Variants in PPL observed in about 807,000 individuals in gnomAD.
The protein encoded by PPL is periplakin, also known as 190 kDa paraneoplastic pemphigus antigen.
Under a neutral mutation model 194.4 loss-of-function variants are expected in PPL, and 198 were observed. That is an observed-to-expected ratio of 1.02 (90% CI 0.91 to 1.15). The LOEUF (loss-of-function observed/expected upper bound fraction) is 1.15, where lower values mean the gene tolerates loss of function less well. Ranked by LOEUF, PPL falls within the 50% of genes most tolerant of loss-of-function variation. PPL has a pLI of 0.00. For synonymous variants in PPL, 1,220 were observed against 972.4 expected (o/e 1.25, Z -4.74); for missense variants, 2,885 against 2,294.8 (o/e 1.26, Z -5.25).
Position 4,895,256 on chromosome 16 carries a change from C to G in PPL, c.1242+5G>C, listed in dbSNP as rs1472921313. The G allele has an allele frequency of 6.3e-7, 1 of 1,597,264 alleles. No homozygotes were observed. The highest frequency in any genetic ancestry group is 8.5e-7 in the Non-Finnish European group (1 of 1,171,260). ...GATGTGAACAGAGGAGCTGGCCCCA[C>G]GCACCTGCTCCCCCTCAAAGTCACA... On this transcript the variant is annotated splice_donor_5th_base_variant and intron_variant, in intron 11 of 21. Coordinates refer to ENST00000345988, the MANE Select transcript of PPL (RefSeq NM_002705.5).
intron 1 of PPL, among the ~76,000 whole-genome samples, chr16:4,927,237 G>A (rs533455794): frequency 5.9e-5 from 9 of 152,200 alleles, no homozygotes; most frequent in Non-Finnish European, 1.2e-4. Context: ...CAGGAAGGTT[G>A]AGAATAAAGA....
chr16:4,918,292 C>CA (rs145927654), intron 1 of PPL, among the ~76,000 whole-genome samples: 107,843 of 138,418 alleles, frequency 0.78, 45,097 homozygotes, highest in East Asian at 0.99. Context: ...GACTCCATTT[C>CA]AAAAAAAAAA....
At chr16:4,912,797 C>G (rs1177747167) in intron 1 of PPL, among the ~76,000 whole-genome samples, 1 of 152,162 alleles carries the variant, frequency 6.6e-6, no homozygotes, top group Non-Finnish European at 1.5e-5. Flanking sequence ...TCCTGATCTT[C>G]TCAGAGCGCC....
rs2088187532 is a variant in PPL, at chr16:4,885,022, G to A, written c.3633C>T (p.Ser1211=). 1 of 1,613,580 alleles carries A rather than the reference G, an allele frequency of 6.2e-7. No homozygotes were observed. The highest frequency in any genetic ancestry group is 1.3e-5 in the African/African-American group (1 of 74,858). Residue 1211 remains serine (S), a synonymous_variant, in exon 22 of 22, where the codon AGC becomes AGT. Transcript: ENST00000345988. The surrounding 1 kb of genome is among the most constrained non-coding windows in gnomAD (Gnocchi z 6.3). ...KYRGAEEQLR[S]YQSELEALRR... ...TGAGGGCCTCCAGCTCACTCTGGTA[G>A]CTCCGGAGCTGCTCCTCGGCACCCC... is the stretch of plus-strand genomic sequence containing the variant.
chr16:4,890,625 AGAAAAACAG>A, intron 17 of PPL, 94 bp downstream of exon 17: 1 of 1,392,648 alleles, frequency 7.2e-7, no homozygotes, highest in Non-Finnish European at 9.6e-7. Flanking sequence ...CTCACCAAAA[AGAAAAACAG>A]CAAAATCTGT....
chr16:4,912,970 G>A (rs1390696921), intron 1 of PPL, among the ~76,000 whole-genome samples: 1 of 152,134 alleles, frequency 6.6e-6, no homozygotes, highest in African/African-American at 2.4e-5. Flanking sequence ...TAGGTGTGGT[G>A]GCATGCGCCT....
chr16:4,885,912 T>C lies in PPL; in HGVS notation c.2743A>G (p.Ser915Gly). ...AAGGTCCAGATTTCTTCCTGGGTGC[T>C]CTTGACCTCGTTCTCCAGCTGCCGC... ...RRRQLENEVK[S>G]TQEEIWTLRN... The change falls in exon 22 of 22, where the codon AGC (serine) becomes GGC (glycine). Residue 915 changes from serine (S) to glycine (G), a missense_variant. Ser to Gly is a moderately conservative substitution (Grantham distance 56, BLOSUM62 0). Transcript: ENST00000345988. The surrounding 1 kb of genome is among the most constrained non-coding windows in gnomAD (Gnocchi z 6.3). The C allele has an allele frequency of 1.2e-6, 2 of 1,611,712 alleles. No individual in the cohort carries two copies. The highest frequency in any genetic ancestry group is 1.7e-6 in the Non-Finnish European group (2 of 1,180,020).
chr16:4,918,254 C>T (rs561481758), intron 1 of PPL, among the ~76,000 whole-genome samples: 3 of 150,358 alleles, frequency 2.0e-5, no homozygotes, highest in East Asian at 3.9e-4. Context: ...GATTGCACCA[C>T]TACACTCCAG....
At chr16:4,909,321 G>GT (rs2088770895) in intron 2 of PPL, among the ~76,000 whole-genome samples, 2 of 152,104 alleles carry the variant, frequency 1.3e-5, no homozygotes. Context: ...AGCCAAGGGG[G>GT]TTGGATACCT....
At chr16:4,891,108 A>G (rs2088312782) in intron 16 of PPL, among the ~76,000 whole-genome samples, 187 bp from the exon 17 acceptor site, 1 of 152,226 alleles carries the variant, frequency 6.6e-6, no homozygotes, top group Admixed American at 6.5e-5. Context: ...TTTTTTAACA[A>G]TGAACAAAGC....
rs2088272914 is a variant in PPL, at chr16:4,889,238, GTTGTTTTTTTTTTTTT to G, written c.2314-193_2314-178del. 1.0e-3 allele frequency among the ~76,000 whole-genome samples: 22 copies of G among 21,812 alleles called. 1 individual carries two copies. The highest frequency in any genetic ancestry group is 1.5e-3 in the African/African-American group (20 of 13,428). The allele number at this position is 21,812 out of a possible 152,430, so 14.3% of individuals were successfully genotyped here. ...TGCAAAAGGCAGTTTTTTTGTTGTT[GTTGTTTTTTTTTTTTT>G]TTTTTTTTTTTTTTTTTTTTGAGAC... On this transcript the variant is annotated intron_variant, in intron 18 of 21. Coordinates refer to ENST00000345988, the MANE Select transcript of PPL (RefSeq NM_002705.5).
chr16:4,909,424 C>CT (rs199792362), intron 2 of PPL, among the ~76,000 whole-genome samples: 1,530 of 118,166 alleles, frequency 0.013, 32 homozygotes, highest in African/African-American at 0.025. Flanking sequence ...CTGGTCCCAC[C>CT]TTTTTTTTTT....
In PPL at chr16:4,887,186, G is replaced by A; in HGVS notation, c.2556C>T (p.Ile852=). 6.2e-7 allele frequency: 1 copy of A among 1,614,168 alleles called. No homozygotes were observed. Among genetic ancestry groups the A allele is most frequent in the Non-Finnish European group, 8.5e-7 (1 of 1,179,996 alleles). Residue 852 remains isoleucine (I), a synonymous_variant, in exon 21 of 22, where the codon ATC becomes ATT. Transcript: ENST00000345988. ...LAAKFTEVYA[I]NRQRLQNLEF... The stretch of plus-strand genomic sequence containing the variant: ...CCAGATTCTGCAGCCTCTGTCTGTT[G>A]ATGGCATAAACTTCAGTGAACTTGG...
intron 2 of PPL, among the ~76,000 whole-genome samples, chr16:4,909,089 AGGCCCAGGGGGGCATGGAGGCGGG>A (rs1007458166): frequency 1.6e-4 from 25 of 152,198 alleles, no homozygotes; most frequent in African/African-American, 4.8e-4. Flanking sequence ...CAGGAGGTGG[AGGCCCAGGGGGGCATGGAGGCGGG>A]GGCCCCAGGC....
chr16:4,907,079 T>TAAAAAAAAA (rs57847738), intron 2 of PPL, among the ~76,000 whole-genome samples: 47 of 76,978 alleles, frequency 6.1e-4, no homozygotes, highest in Admixed American at 7.6e-4. Flanking sequence ...ACCCTATCTC[T>TAAAAAAAAA]AAAAAAAAAA....
intron 2 of PPL, among the ~76,000 whole-genome samples, chr16:4,906,018 G>C (rs1208712488): frequency 6.6e-6 from 1 of 152,126 alleles, no homozygotes. Context: ...TGGGGCAGGA[G>C]AATCATTTGA....
chr16:4,907,185 C>T (rs1014993189), intron 2 of PPL, among the ~76,000 whole-genome samples: 1 of 151,730 alleles, frequency 6.6e-6, no homozygotes, highest in Non-Finnish European at 1.5e-5. Context: ...TTGCTTGAGC[C>T]CAGGAGGTTG....
At position 4,902,761 on chromosome 16, in the gene PPL, C is replaced by T. The variant is rs186669602; in HGVS notation, c.318-235G>A. On this transcript the variant is annotated intron_variant, in intron 3 of 21. Transcript: ENST00000345988. The surrounding 1 kb of genome is among the most constrained non-coding windows in gnomAD (Gnocchi z 4.0). ...CTGGAGTACAGTGACGTCATCTCAG[C>T]TCATGGCAGCCTCCGCCTCCCAGGT... Among the ~76,000 whole-genome samples, 198 of 151,780 alleles carry T rather than the reference C, an allele frequency of 1.3e-3. No individual in the cohort carries two copies. The highest frequency in any genetic ancestry group is 4.6e-3 in the African/African-American group (189 of 41,362).
rs1374158400 is a variant in PPL, at chr16:4,897,542, G to C, written c.972+133C>G. On this transcript the variant is annotated intron_variant, in intron 9 of 21. Coordinates refer to ENST00000345988, the MANE Select transcript of PPL (RefSeq NM_002705.5). ...CACGCCATCAGAAGCATGGGTGCTG[G>C]GGGCCTGGGATGGCTGCCCCGCAAG... The C allele has an allele frequency of 6.1e-6, 4 of 652,576 alleles. No individual in the cohort carries two copies. In the East Asian group the frequency reaches 1.1e-4, roughly 18 times the overall value. 40.4% of individuals were successfully genotyped at this position (652,576 alleles called of 1,614,324 possible).
Sources: allele counts gnomAD v4.1 joint callset (sites outside exome capture counted in the v4.1 genomes callset), GRCh38; gene constraint gnomAD v4.1.1; non-coding constraint Gnocchi (gnomAD v3.1); transcripts MANE v1.5; gene names NCBI Gene and HGNC (gene_info 2026-07-23, HGNC 2026-07-21).